The following MRC1 variants were observed in gnomAD, a reference collection of about 807,000 sequenced individuals.
The protein encoded by MRC1 is macrophage mannose receptor 1.
Under a neutral mutation model 102.9 loss-of-function variants are expected in MRC1, and 62 were observed. The ratio of observed to expected loss-of-function variants is 0.60; its 90% CI spans 0.49 to 0.74. MRC1 has a LOEUF of 0.74. Ranked by LOEUF, MRC1 falls within the 30% of genes least tolerant of loss-of-function variation. The pLI, the probability that MRC1 is intolerant of heterozygous loss-of-function variation, is 0.00. For missense variants in MRC1, 1,237 were observed against 862.8 expected, an observed-to-expected ratio of 1.43 and a Z score of -5.43; for synonymous variants, 457 against 298.4, an observed-to-expected ratio of 1.53 and a Z score of -5.48.
rs1011525250 is a variant in MRC1 at position 17,853,049 on chromosome 10, G to A, written c.1332G>A (p.Thr444=). ...AGTGGAGTGATGGGACCCCTGTAAC[G>A]TTTACCAAATGGCTTCGTGGAGAAC... ...YFEWSDGTPV[T]FTKWLRGEPS... The change falls in exon 8 of 30, where the codon ACG becomes ACA. Residue 444 remains threonine (T), a synonymous_variant. Transcript: ENST00000569591. The A allele has an allele frequency of 1.3e-4, 103 of 780,756 alleles. No individual in the cohort carries two copies. Among genetic ancestry groups the A allele is most frequent in the African/African-American group, 8.3e-4 (49 of 59,224 alleles). The allele number at this position is 780,756 out of a possible 1,614,324, so 48.4% of individuals were successfully genotyped here.
In MRC1 at chr10:17,809,451, G is replaced by A. The variant is rs1838189517; in HGVS notation, c.-15G>A. 2.3e-6 allele frequency: 2 copies of A among 872,610 alleles called. No homozygotes were observed. Among genetic ancestry groups the A allele is most frequent in the Admixed American group, 1.7e-5 (1 of 59,162 alleles). 54.1% of individuals were successfully genotyped at this position (872,610 alleles called of 1,614,324 possible). A position where few individuals can be genotyped will look rare whatever the true frequency, so the allele number is the denominator to read the frequency against. On this transcript the variant is annotated 5_prime_UTR_variant, in exon 1 of 30. Coordinates refer to ENST00000569591, the MANE Select transcript of MRC1 (RefSeq NM_002438.4). ...CTCCTGTCCATCAGGAGAAGGAAAG[G>A]ATAAACCCTGGGCCATGAGGCTACC...
At chr10:17,848,833 T>C (rs1218760693) in intron 6 of MRC1, among the ~76,000 whole-genome samples, 4 of 152,138 alleles carry the variant, frequency 2.6e-5, no homozygotes, top group African/African-American at 7.2e-5. Flanking sequence ...GTAGTGGGTC[T>C]GTTCTGAGGC....
intron 23 of MRC1, among the ~76,000 whole-genome samples, chr10:17,896,489 G>A (rs1186952351): frequency 3.3e-5 from 5 of 152,082 alleles, no homozygotes; most frequent in African/African-American, 4.8e-5. Context: ...TGATTCACAC[G>A]CTTATTTAAA....
At chr10:17,888,113 T>A (rs1388544490) in intron 22 of MRC1, among the ~76,000 whole-genome samples, 3 of 152,186 alleles carry the variant, frequency 2.0e-5, no homozygotes, top group African/African-American at 7.2e-5. Flanking sequence ...AATAATTTTT[T>A]AAAAACAATT....
chr10:17,905,484 T>C (rs1049371938), intron 26 of MRC1, among the ~76,000 whole-genome samples: 14 of 152,126 alleles, frequency 9.2e-5, no homozygotes, highest in African/African-American at 3.4e-4. Flanking sequence ...ACTTTTGTAA[T>C]TAAAAAAATG....
intron 12 of MRC1, among the ~76,000 whole-genome samples, chr10:17,868,047 C>G (rs1414116022): frequency 2.0e-5 from 3 of 152,060 alleles, no homozygotes; most frequent in African/African-American, 7.2e-5. Flanking sequence ...TTCACTGAAG[C>G]AAACAAACAG....
At chr10:17,861,775 G>C (rs1212844191) in intron 10 of MRC1, among the ~76,000 whole-genome samples, 1 of 152,106 alleles carries the variant, frequency 6.6e-6, no homozygotes, top group Non-Finnish European at 1.5e-5. Flanking sequence ...ACTTTTTAAT[G>C]ATCCATTCGA....
intron 21 of MRC1, among the ~76,000 whole-genome samples, chr10:17,883,476 T>G (rs897954959): frequency 3.3e-5 from 5 of 152,108 alleles, no homozygotes; most frequent in Non-Finnish European, 5.9e-5. Context: ...AAGAGTTTTT[T>G]TTTTTTTTTA....
rs868924064 is a variant in MRC1 at position 17,821,726 on chromosome 10, A to G, written c.62-1348A>G. On this transcript the variant is annotated intron_variant, in intron 1 of 29. Transcript: ENST00000569591. ...CTCCCTGGGGTGTTCAGAACAGGAT[A>G]TAGAATACAGCTTGCAAAAATGCTT... Among the ~76,000 whole-genome samples the G allele has an allele frequency of 2.9e-3, 444 of 152,302 alleles. 2 individuals carry two copies. Among genetic ancestry groups the G allele is most frequent in the African/African-American group, 9.9e-3 (410 of 41,566 alleles).
chr10:17,830,851 A>C (rs1181731374), intron 3 of MRC1, among the ~76,000 whole-genome samples: 5 of 150,534 alleles, frequency 3.3e-5, no homozygotes, highest in Middle Eastern at 3.4e-3. Context: ...TAAAAACAAC[A>C]ACAAAACCCT....
intron 4 of MRC1, among the ~76,000 whole-genome samples, chr10:17,836,227 C>T (rs1838659914): frequency 6.6e-6 from 1 of 152,186 alleles, no homozygotes; most frequent in African/African-American, 2.4e-5. Flanking sequence ...ACACATCTCT[C>T]CTATAAGTTA....
intron 27 of MRC1, 66 bp downstream of exon 27, chr10:17,907,065 C>G: frequency 1.3e-6 from 1 of 762,708 alleles, no homozygotes. Flanking sequence ...AACAAGGTTT[C>G]GTTTCCAAAA....
intron 4 of MRC1, among the ~76,000 whole-genome samples, chr10:17,837,840 A>T (rs1838692865): frequency 6.6e-6 from 1 of 152,018 alleles, no homozygotes; most frequent in African/African-American, 2.4e-5. Flanking sequence ...AGCTCAGCTG[A>T]TCTACCAGCC....
At chr10:17,906,620 G>A in intron 26 of MRC1, among the ~76,000 whole-genome samples, 1 of 152,228 alleles carries the variant, frequency 6.6e-6, no homozygotes, top group South Asian at 2.1e-4. Context: ...ACTTTTGGAA[G>A]ACATACTCTA....
At chr10:17,898,552 A>T (rs1399306227) in intron 24 of MRC1, among the ~76,000 whole-genome samples, 2 of 152,232 alleles carry the variant, frequency 1.3e-5, no homozygotes, top group African/African-American at 4.8e-5. Flanking sequence ...TCAACAGTTT[A>T]ATTTATTCGC....
intron 12 of MRC1, among the ~76,000 whole-genome samples, chr10:17,869,105 G>A (rs1833319541): frequency 6.6e-6 from 1 of 152,112 alleles, no homozygotes; most frequent in Non-Finnish European, 1.5e-5. Flanking sequence ...TCGGGTGGAT[G>A]TTCAACAAAT....
At chr10:17,891,256 T>C (rs1833670630) in intron 22 of MRC1, among the ~76,000 whole-genome samples, 1 of 151,714 alleles carries the variant, frequency 6.6e-6, no homozygotes, top group Non-Finnish European at 1.5e-5. Flanking sequence ...AAGCACCGCC[T>C]CCCGGGTTCA....
At chr10:17,895,720 G>C (rs1371552019) in intron 23 of MRC1, among the ~76,000 whole-genome samples, 1 of 152,282 alleles carries the variant, frequency 6.6e-6, no homozygotes. Flanking sequence ...ATGCCTAGTT[G>C]ACAGGGCAGG....
intron 3 of MRC1, 147 bp downstream of exon 3, chr10:17,827,862 A>G: frequency 1.5e-6 from 1 of 657,468 alleles, no homozygotes; most frequent in Non-Finnish European, 2.8e-6. Context: ...TACAGACGTT[A>G]TTATTTCCAT....
Sources: gnomAD v4.1 joint callset for allele counts (sites outside exome capture counted in the v4.1 genomes callset) on GRCh38, gnomAD v4.1.1 for gene constraint, MANE v1.5 for transcripts, NCBI Gene and HGNC (gene_info 2026-07-23, HGNC 2026-07-21) for gene names.